The following DNAJC10 variants were observed in gnomAD, a reference collection of about 807,000 sequenced individuals.
DNAJC10 encodes DnaJ heat shock protein family (Hsp40) member C10, also known as endoplasmic reticulum disulfide reductase DNAJC10.
A neutral mutation model predicts 115.0 loss-of-function variants in DNAJC10; 101 were observed. The observed-to-expected ratio is 0.88, with a 90% confidence interval of 0.75 to 1.04. DNAJC10 has a LOEUF of 1.04. Ranked by LOEUF, DNAJC10 falls within the 50% of genes least tolerant of loss-of-function variation. DNAJC10 has a pLI of 0.00. For missense variants in DNAJC10, 981 were observed against 928.8 expected (o/e 1.06, Z -0.73); for synonymous variants, 307 against 301.5 (o/e 1.02, Z -0.19).
chr2:182,737,030 G>A (rs964212945), intron 11 of DNAJC10, among the ~76,000 whole-genome samples: 5 of 152,218 alleles, frequency 3.3e-5, no homozygotes, highest in African/African-American at 1.2e-4. Context: ...GATTACAGGC[G>A]TGAGTCACCG....
At chr2:182,748,925 T>C (rs551428654) in intron 14 of DNAJC10, among the ~76,000 whole-genome samples, 25 of 151,932 alleles carry the variant, frequency 1.6e-4, no homozygotes, top group African/African-American at 6.0e-4. Flanking sequence ...CCAGTAGTCA[T>C]TCAGGAGCAG....
intron 5 of DNAJC10, among the ~76,000 whole-genome samples, chr2:182,726,875 G>T (rs1391773635): frequency 6.6e-6 from 1 of 151,000 alleles, no homozygotes; most frequent in Non-Finnish European, 1.5e-5. Flanking sequence ...GAGACTGCGG[G>T]CATGTGCCAC....
In DNAJC10 at chr2:182,775,307, T is replaced by C. The variant is rs950679635; in HGVS notation, c.2266-9T>C. On this transcript the variant is annotated splice_polypyrimidine_tract_variant and intron_variant, in intron 22 of 23. Transcript: ENST00000264065. ...ATACTTAAAAGATAACAAGTGTTTT[T>C]AATTTTAGAGAAATTTTCAAGAAGA... The C allele has an allele frequency of 6.4e-6, 10 of 1,554,428 alleles. No individual in the cohort carries two copies. Among genetic ancestry groups the C allele is most frequent in the Non-Finnish European group, 8.9e-6 (10 of 1,129,290 alleles).
intron 3 of DNAJC10, 128 bp downstream of exon 3, chr2:182,718,418 T>A: frequency 1.2e-6 from 1 of 808,042 alleles, no homozygotes; most frequent in African/African-American, 1.7e-5. Context: ...TCAACTTGTA[T>A]GCTAGAAACA....
In DNAJC10 at chr2:182,727,086, A is replaced by G. The variant is rs532015465; in HGVS notation, c.419-1490A>G. ...TTTTTTTTAGACATAATGCTATTAC[A>G]TAATACACTGTATATAGTGTAAATA... On this transcript the variant is annotated intron_variant, in intron 5 of 23. Coordinates refer to ENST00000264065, the MANE Select transcript of DNAJC10 (RefSeq NM_018981.4). Among the ~76,000 whole-genome samples the G allele has an allele frequency of 1.9e-4, 29 of 151,786 alleles. No individual in the cohort carries two copies. In the South Asian group the frequency reaches 3.1e-3, roughly 16 times the overall value.
At chr2:182,769,433 C>G (rs951015075) in intron 22 of DNAJC10, among the ~76,000 whole-genome samples, 3 of 152,156 alleles carry the variant, frequency 2.0e-5, no homozygotes, top group Non-Finnish European at 4.4e-5. Flanking sequence ...CTAATTAACA[C>G]TCCCACCAAC....
chr2:182,772,182 GAC>G (rs1267407191), intron 22 of DNAJC10, among the ~76,000 whole-genome samples: 1 of 152,208 alleles, frequency 6.6e-6, no homozygotes, highest in Non-Finnish European at 1.5e-5. Flanking sequence ...TGGTCTGAGA[GAC>G]AATTTGTTGT....
chr2:182,740,230 A>C, intron 11 of DNAJC10, 69 bp from the exon 12 acceptor site: 1 of 1,205,390 alleles, frequency 8.3e-7, no homozygotes, highest in Non-Finnish European at 1.1e-6. Flanking sequence ...TGGAAATTGA[A>C]AAAACAAAAG....
rs1316941667 is a variant in DNAJC10 at position 182,783,229 on chromosome 2, T to C, written c.*6097T>C. 3 of 152,196 alleles carry C rather than the reference T, an allele frequency of 2.0e-5. No homozygotes were observed. The highest frequency in any genetic ancestry group is 4.4e-5 in the Non-Finnish European group (3 of 68,046). 9.4% of individuals were successfully genotyped at this position (152,196 alleles called of 1,614,324 possible). ...TAAAATGTCTTTAAAAGAATAAGTGTTGATTTTTGGAAAATATGAAATTGG... is the reference window on the plus strand; with the variant it reads ...TAAAATGTCTTTAAAAGAATAAGTGCTGATTTTTGGAAAATATGAAATTGG... On this transcript the variant is annotated 3_prime_UTR_variant, in exon 24 of 24. Coordinates refer to ENST00000264065, the MANE Select transcript of DNAJC10 (RefSeq NM_018981.4).
At chr2:182,755,140 GTCTGTT>G (rs1444600366) in intron 17 of DNAJC10, 36 bp downstream of exon 17, 1 of 1,330,884 alleles carries the variant, frequency 7.5e-7, no homozygotes, top group Non-Finnish European at 1.1e-6. Context: ...CTAGAAATTT[GTCTGTT>G]TCTATGTAAA....
In DNAJC10 at chr2:182,779,824, A is replaced by G. The variant is rs1289781988; in HGVS notation, c.*2692A>G. 1.3e-5 allele frequency: 2 copies of G among 152,178 alleles called. No individual in the cohort carries two copies. The highest frequency in any genetic ancestry group is 4.8e-5 in the African/African-American group (2 of 41,460). The allele number at this position is 152,178 out of a possible 1,614,324, so 9.4% of individuals were successfully genotyped here. A position where few individuals can be genotyped will look rare whatever the true frequency, so the allele number is the denominator to read the frequency against. On this transcript the variant is annotated 3_prime_UTR_variant, in exon 24 of 24. Transcript: ENST00000264065. ...ATCAAAAAAACACATTTCCTATGGG[A>G]CACACATTTCAAAGATGTTTAGTAC...
At chr2:182,763,677 C>T (rs1334447333) in intron 22 of DNAJC10, among the ~76,000 whole-genome samples, 3 of 152,236 alleles carry the variant, frequency 2.0e-5, no homozygotes, top group Admixed American at 6.5e-5. Flanking sequence ...CACAGTGCCT[C>T]AGTATTTTTC....
intron 5 of DNAJC10, among the ~76,000 whole-genome samples, chr2:182,727,265 A>G (rs1027985253): frequency 1.3e-5 from 2 of 151,154 alleles, no homozygotes; most frequent in African/African-American, 4.9e-5. Flanking sequence ...TTTTGTGTCA[A>G]ATACCATTCA....
At position 182,791,699 on chromosome 2, in the gene DNAJC10, ATACAAACTGTATACAACATTT is replaced by A. The variant is rs1695050942; in HGVS notation, c.*14570_*14590del. 6.6e-6 allele frequency: 1 copy of A among 152,194 alleles called. No homozygotes were observed. 9.4% of individuals were successfully genotyped at this position (152,194 alleles called of 1,614,324 possible). A position where few individuals can be genotyped will look rare whatever the true frequency, so the allele number is the denominator to read the frequency against. On this transcript the variant is annotated 3_prime_UTR_variant, in exon 24 of 24. Transcript: ENST00000264065. ...TGTTTAATAAATCCAGTATTTGGGCATACAAACTGTATACAACATTTTATAACACTCTAATGTGGATAAGAC... is the reference window on the plus strand; with the variant it reads ...TGTTTAATAAATCCAGTATTTGGGCATATAACACTCTAATGTGGATAAGAC...
chr2:182,743,534 G>T, intron 13 of DNAJC10, 64 bp from the exon 14 acceptor site: 1 of 1,206,190 alleles, frequency 8.3e-7, no homozygotes, highest in South Asian at 1.3e-5. Flanking sequence ...GGATTATCAT[G>T]AATATTTACA....
Position 182,777,471 on chromosome 2 carries a change from T to G in DNAJC10, c.*339T>G, listed in dbSNP as rs1419607550. ...AGCTCAGAGCCATACAAAAGTAGGC[T>G]GGATTCAGTCCATGGACCATAGATT... On this transcript the variant is annotated 3_prime_UTR_variant, in exon 24 of 24. Coordinates refer to ENST00000264065, the MANE Select transcript of DNAJC10 (RefSeq NM_018981.4). The G allele has an allele frequency of 6.0e-6, 1 of 165,588 alleles. No homozygotes were observed. Among genetic ancestry groups the G allele is most frequent in the Non-Finnish European group, 1.3e-5 (1 of 77,028 alleles). 10.3% of individuals were successfully genotyped at this position (165,588 alleles called of 1,614,324 possible). A position where few individuals can be genotyped will look rare whatever the true frequency, so the allele number is the denominator to read the frequency against.
intron 11 of DNAJC10, among the ~76,000 whole-genome samples, chr2:182,739,367 A>G (rs1489499713): frequency 8.6e-5 from 13 of 151,496 alleles, no homozygotes; most frequent in Non-Finnish European, 1.9e-4. Flanking sequence ...TAGCATGATT[A>G]AACTGTGGAT....
In DNAJC10 at chr2:182,789,446, C is replaced by G. The variant is rs1231060396; in HGVS notation, c.*12314C>G. 1 of 152,382 alleles carries G rather than the reference C, an allele frequency of 6.6e-6. No individual in the cohort carries two copies. Among genetic ancestry groups the G allele is most frequent in the Non-Finnish European group, 1.5e-5 (1 of 68,166 alleles). 9.4% of individuals were successfully genotyped at this position (152,382 alleles called of 1,614,324 possible). On this transcript the variant is annotated 3_prime_UTR_variant, in exon 24 of 24. Coordinates refer to ENST00000264065, the MANE Select transcript of DNAJC10 (RefSeq NM_018981.4). Reference sequence around the variant, plus strand: ...GTGTTGGCCAGGCTGGTCTCGAACTCTTGACCTCAGGTGATCCGCCTGCCT... The same window carrying G: ...GTGTTGGCCAGGCTGGTCTCGAACTGTTGACCTCAGGTGATCCGCCTGCCT...
rs866635100 is a variant in DNAJC10 at position 182,775,440 on chromosome 2, T to C, written c.2370+20T>C. 2 of 1,561,726 alleles carry C rather than the reference T, an allele frequency of 1.3e-6. No individual in the cohort carries two copies. Among genetic ancestry groups the C allele is most frequent in the Middle Eastern group, 1.7e-4 (1 of 5,914 alleles). ...AATAAGGTATGGACTAAGCCTAGAG[T>C]TGACTTTGGCAAAAGTTGGCAAAAG... On this transcript the variant is annotated intron_variant, in intron 23 of 23. Coordinates refer to ENST00000264065, the MANE Select transcript of DNAJC10 (RefSeq NM_018981.4).
Sources: allele counts gnomAD v4.1 joint callset (sites outside exome capture counted in the v4.1 genomes callset), GRCh38; gene constraint gnomAD v4.1.1; transcripts MANE v1.5; gene names NCBI Gene and HGNC (gene_info 2026-07-23, HGNC 2026-07-21).